Variants in LCK observed in about 807,000 individuals in gnomAD.
LCK encodes LCK proto-oncogene, Src family tyrosine kinase.
A neutral mutation model predicts 64.6 loss-of-function variants in LCK; 14 were observed. The observed-to-expected ratio is 0.22, with a 90% CI of 0.14 to 0.34. The LOEUF (loss-of-function observed/expected upper bound fraction) is 0.34. LCK is among the 10% of genes least tolerant of loss of function. LCK has a pLI of 1.00. For missense variants in LCK, 434 were observed against 668.1 expected, an observed-to-expected ratio of 0.65 and a Z score of 3.86; for synonymous variants, 277 against 263.6, an observed-to-expected ratio of 1.05 and a Z score of -0.49.
intron 1 of LCK, among the ~76,000 whole-genome samples, chr1:32,262,676 A>G (rs150998723): frequency 0.013 from 1,975 of 151,516 alleles, 13 homozygotes; most frequent in Non-Finnish European, 0.022. Flanking sequence ...CTACTGCCTC[A>G]GCCTCCCAAA....
At chr1:32,269,815 T>C (rs1640029803) in intron 1 of LCK, among the ~76,000 whole-genome samples, 1 of 152,070 alleles carries the variant, frequency 6.6e-6, no homozygotes, top group Admixed American at 6.6e-5. Context: ...TCTTCCACCT[T>C]CCAAAGCAGG....
chr1:32,275,901 T>C lies in LCK; in HGVS notation c.482-13T>C. 6.2e-7 allele frequency: 1 copy of C among 1,613,814 alleles called. No individual in the cohort carries two copies. The highest frequency in any genetic ancestry group is 8.5e-7 in the Non-Finnish European group (1 of 1,179,774). Reference sequence around the variant, plus strand: ...GTTCTTTCGTCGCTTTGTCCATCCATTCATTCATTCAGGATCGTTTTCACT... The same window carrying C: ...GTTCTTTCGTCGCTTTGTCCATCCACTCATTCATTCAGGATCGTTTTCACT... On this transcript the variant is annotated splice_polypyrimidine_tract_variant and intron_variant, in intron 6 of 12. Transcript: ENST00000336890. The surrounding 1 kb of genome is among the most constrained non-coding windows in gnomAD (Gnocchi z 6.9).
chr1:32,280,443 CTTTTTTTTTTTTT>C (rs770430504), intron 12 of LCK, among the ~76,000 whole-genome samples: 10 of 84,752 alleles, frequency 1.2e-4, no homozygotes, highest in South Asian at 4.4e-4. Context: ...TTTTCTTTTT[CTTTTTTTTTTTTT>C]TTTTTTTTTT....
At chr1:32,281,816 G>A (rs113885706) in intron 12 of LCK, among the ~76,000 whole-genome samples, 5,337 of 152,174 alleles carry the variant, frequency 0.035, 311 homozygotes, top group African/African-American at 0.12. Context: ...TGTAATACCA[G>A]CACTTTGGGA....
intron 9 of LCK, among the ~76,000 whole-genome samples, chr1:32,277,414 T>G (rs1421545702): frequency 6.6e-6 from 1 of 151,998 alleles, no homozygotes; most frequent in Non-Finnish European, 1.5e-5. Flanking sequence ...AGAAAGCAAG[T>G]GGGTCCCTAG....
chr1:32,274,462 A>C, intron 2 of LCK, 28 bp downstream of exon 2: 1 of 1,578,880 alleles, frequency 6.3e-7, no homozygotes, highest in Non-Finnish European at 8.7e-7. Context: ...GGCCTTGGTG[A>C]GGGAGTTGGG....
rs762412902 is a variant in LCK at position 32,274,151 on chromosome 1, C to T, written c.-5-174C>T. ...TAGCCTGAGGGCTCAGAGGGAGCAC[C>T]GGTTTGGAGCTGGGACCCCCTATTT... On this transcript the variant is annotated intron_variant, in intron 1 of 12. Transcript: ENST00000336890. 15 of 1,376,440 alleles carry T rather than the reference C, an allele frequency of 1.1e-5. No homozygotes were observed. The African/African-American group carries it at 1.5e-4, about 13-fold the overall frequency. 85.3% of individuals were successfully genotyped at this position (1,376,440 alleles called of 1,614,324 possible).
intron 1 of LCK, chr1:32,274,083 G>A: frequency 1.3e-6 from 1 of 751,190 alleles, no homozygotes; most frequent in South Asian, 1.9e-5. Context: ...TCCCAGGTGG[G>A]AGGGTGGGGC....
chr1:32,276,280 G>A lies in LCK; in HGVS notation c.632-57G>A. Reference sequence around the variant, plus strand: ...GGGGGCTTGGAGAAGTGGGGGAGGTGGTGTCAATACGAGGCCTGCCCTATT... The same window carrying A: ...GGGGGCTTGGAGAAGTGGGGGAGGTAGTGTCAATACGAGGCCTGCCCTATT... On this transcript the variant is annotated intron_variant, in intron 7 of 12. Coordinates refer to ENST00000336890, the MANE Select transcript of LCK (RefSeq NM_005356.5). This position sits in a 1 kb window ranked among gnomAD's most constrained non-coding sequence, Gnocchi z 4.6. 1 of 1,519,222 alleles carries A rather than the reference G, an allele frequency of 6.6e-7. No homozygotes were observed. The highest frequency in any genetic ancestry group is 2.1e-5 in the Admixed American group (1 of 48,174). The allele number at this position is 1,519,222 out of a possible 1,614,324, so 94.1% of individuals were successfully genotyped here.
intron 12 of LCK, among the ~76,000 whole-genome samples, chr1:32,283,798 G>C (rs1640531710): frequency 6.6e-6 from 1 of 152,160 alleles, no homozygotes; most frequent in Admixed American, 6.5e-5. Context: ...CACTGTCTTG[G>C]TTGTGGGTGC....
chr1:32,274,036 A>T, intron 1 of LCK: 1 of 475,952 alleles, frequency 2.1e-6, no homozygotes, highest in Non-Finnish European at 3.8e-6. Flanking sequence ...GGAAGTGGGT[A>T]ACTAGACTAA....
chr1:32,264,760 TA>T (rs1639867710), intron 1 of LCK, among the ~76,000 whole-genome samples: 1 of 152,050 alleles, frequency 6.6e-6, no homozygotes, highest in African/African-American at 2.4e-5. Flanking sequence ...ATTTTCAAGT[TA>T]AAAAAATTTT....
chr1:32,283,100 C>T (rs1195280252), intron 12 of LCK, among the ~76,000 whole-genome samples: 1 of 151,786 alleles, frequency 6.6e-6, no homozygotes, highest in Admixed American at 6.6e-5. Context: ...ACCAGCCTGA[C>T]CAACATAGTG....
intron 12 of LCK, among the ~76,000 whole-genome samples, chr1:32,283,288 C>CAA (rs888361880): frequency 0.015 from 815 of 53,438 alleles, 22 homozygotes; most frequent in African/African-American, 0.047. Context: ...GACTCTGTCT[C>CAA]AAAAAAAAAA....
At chr1:32,278,687 G>A (rs1468414305) in intron 9 of LCK, among the ~76,000 whole-genome samples, 4 of 152,172 alleles carry the variant, frequency 2.6e-5, no homozygotes, top group African/African-American at 9.7e-5. Flanking sequence ...TGCTGGAGAA[G>A]GATTCTGAGG....
At chr1:32,280,500 G>GGCTGGGGT (rs1188632523) in intron 12 of LCK, among the ~76,000 whole-genome samples, 1 of 120,338 alleles carries the variant, frequency 8.3e-6, no homozygotes, top group East Asian at 2.6e-4. Context: ...CTGTCTCCCA[G>GGCTGGGGT]GCTGGGGTGC....
chr1:32,275,495 C>A lies in LCK; in HGVS notation c.378-74C>A. The A allele has an allele frequency of 3.2e-6, 5 of 1,564,444 alleles. No individual in the cohort carries two copies. Among genetic ancestry groups the A allele is most frequent in the Non-Finnish European group, 4.4e-6 (5 of 1,145,456 alleles). On this transcript the variant is annotated intron_variant, in intron 5 of 12. Transcript: ENST00000336890. This position sits in a 1 kb window ranked among gnomAD's most constrained non-coding sequence, Gnocchi z 6.9. ...GGAGCAGGGAGTAGGCCTGGGGTGG[C>A]GGTGAAGGCTTGAGGGCCACGGAGG...
Position 32,253,906 on chromosome 1 carries a change from T to C in LCK, c.-6+2535T>C, listed in dbSNP as rs551504065. ...AAACACCATACATATCATGGGAAAATCTACGTGTACAGATGTGTTCAGAGG... is the reference window on the plus strand; with the variant it reads ...AAACACCATACATATCATGGGAAAACCTACGTGTACAGATGTGTTCAGAGG... On this transcript the variant is annotated intron_variant, in intron 1 of 12. Transcript: ENST00000336890. Among the ~76,000 whole-genome samples, 27 of 151,722 alleles carry C rather than the reference T, an allele frequency of 1.8e-4. No homozygotes were observed. In the Middle Eastern group the frequency reaches 0.01, roughly 57 times the overall value.
At chr1:32,264,739 C>T (rs1183305315) in intron 1 of LCK, among the ~76,000 whole-genome samples, 3 of 152,052 alleles carry the variant, frequency 2.0e-5, no homozygotes, top group Admixed American at 2.0e-4. Flanking sequence ...CATTTAGATG[C>T]AAATTTTCTT....
Sources: allele counts gnomAD v4.1 joint callset (sites outside exome capture counted in the v4.1 genomes callset), GRCh38; gene constraint gnomAD v4.1.1; non-coding constraint Gnocchi (gnomAD v3.1); transcripts MANE v1.5; gene names NCBI Gene and HGNC (gene_info 2026-07-23, HGNC 2026-07-21).